The following CYP19A1 variants were observed in gnomAD, a reference collection of about 807,000 sequenced individuals.
CYP19A1 encodes the protein aromatase.
Under a neutral mutation model 44.4 loss-of-function variants are expected in CYP19A1, and 32 were observed. The ratio of observed to expected loss-of-function variants is 0.72; its 90% CI spans 0.54 to 0.97. The LOEUF (loss-of-function observed/expected upper bound fraction) is 0.97, where lower values mean the gene tolerates loss of function less well. Ranked by LOEUF, CYP19A1 falls within the 50% of genes least tolerant of loss-of-function variation. The pLI is 0.00. For missense variants in CYP19A1, 598 were observed against 637.8 expected (o/e 0.94, Z 0.67); for synonymous variants, 212 against 215.6 (o/e 0.98, Z 0.14).
intron 4 of CYP19A1, among the ~76,000 whole-genome samples, chr15:51,227,081 C>G (rs1310039290): frequency 3.9e-5 from 6 of 152,092 alleles, no homozygotes; most frequent in African/African-American, 1.5e-4. Flanking sequence ...ACTGAAATTA[C>G]TCTAAATATA....
In CYP19A1 at chr15:51,218,800, TAGG is replaced by T. The variant is rs1215989043; in HGVS notation, c.629-148_629-146del. 17 of 1,456,032 alleles carry T rather than the reference TAGG, an allele frequency of 1.2e-5. No homozygotes were observed. In the East Asian group the frequency reaches 3.5e-4, roughly 30 times the overall value. 90.2% of individuals were successfully genotyped at this position (1,456,032 alleles called of 1,614,324 possible). On this transcript the variant is annotated intron_variant, in intron 5 of 9. Transcript: ENST00000396402. ...AAGCTCAGCAAGATTCCATCTTCAGTAGGAGTTTTAGCCACGTGAATACCACTA... is the reference window on the plus strand; with the variant it reads ...AAGCTCAGCAAGATTCCATCTTCAGTAGTTTTAGCCACGTGAATACCACTA...
At chr15:51,307,255 G>A (rs141472965) in intron 1 of CYP19A1, among the ~76,000 whole-genome samples, 1 of 152,292 alleles carries the variant, frequency 6.6e-6, no homozygotes, top group African/African-American at 2.4e-5. Context: ...CAGTGGCAAT[G>A]GAAAGGAGAG....
At chr15:51,267,728 C>T (rs1203166918) in intron 1 of CYP19A1, among the ~76,000 whole-genome samples, 1 of 152,228 alleles carries the variant, frequency 6.6e-6, no homozygotes, top group African/African-American at 2.4e-5. Context: ...TTAAGAATTT[C>T]ATATGGTGAC....
At chr15:51,305,724 C>T (rs2036203651) in intron 1 of CYP19A1, among the ~76,000 whole-genome samples, 1 of 152,040 alleles carries the variant, frequency 6.6e-6, no homozygotes, top group Non-Finnish European at 1.5e-5. Flanking sequence ...CCACACTGGG[C>T]TAATTTTTGT....
chr15:51,279,226 C>T (rs2035431785), intron 1 of CYP19A1: 1 of 152,204 alleles, frequency 6.6e-6, no homozygotes, highest in African/African-American at 2.4e-5. Flanking sequence ...GATTTGTTCC[C>T]TTCCTAGCCT....
chr15:51,273,082 C>T (rs148351531), intron 1 of CYP19A1, among the ~76,000 whole-genome samples: 2,922 of 152,196 alleles, frequency 0.019, 54 homozygotes, highest in Non-Finnish European at 0.026. Context: ...GCCTCAGCCT[C>T]CTGAGTAGCT....
chr15:51,225,561 C>A (rs2032502864), intron 4 of CYP19A1, among the ~76,000 whole-genome samples: 2 of 152,154 alleles, frequency 1.3e-5, no homozygotes, highest in Admixed American at 6.5e-5. Context: ...GGACGCAAAC[C>A]CACAACCTGT....
Position 51,210,880 on chromosome 15 carries a change from G to A in CYP19A1, c.1440C>T (p.His480=), listed in dbSNP as rs1023854965. Reference sequence around the variant, plus strand: ...CCAGCATGTTTTTAGTCTCATCTGGGTGCAAGGACAAGTCGTGTATCTTCT... The same window carrying A: ...CCAGCATGTTTTTAGTCTCATCTGGATGCAAGGACAAGTCGTGTATCTTCT... ...SIQKIHDLSL[H]PDETKNMLEM... Residue 480 remains histidine (H), a synonymous_variant, in exon 10 of 10, where the codon CAC becomes CAT. Coordinates refer to ENST00000396402, the MANE Select transcript of CYP19A1 (RefSeq NM_000103.4). The A allele has an allele frequency of 2.5e-6, 4 of 1,588,100 alleles. No individual in the cohort carries two copies. Among genetic ancestry groups the A allele is most frequent in the East Asian group, 2.2e-5 (1 of 44,746 alleles).
intron 1 of CYP19A1, among the ~76,000 whole-genome samples, chr15:51,336,078 C>A (rs2036770649): frequency 6.6e-6 from 1 of 152,216 alleles, no homozygotes; most frequent in Admixed American, 6.5e-5. Context: ...CTCAGGGAAG[C>A]CTTCCCTGAA....
chr15:51,253,566 C>G (rs991419153), intron 1 of CYP19A1, among the ~76,000 whole-genome samples: 1 of 152,194 alleles, frequency 6.6e-6, no homozygotes, highest in African/African-American at 2.4e-5. Context: ...CCCACCCACA[C>G]TTCCTTTTAT....
At chr15:51,237,099 C>T (rs997054203) in intron 2 of CYP19A1, 90 bp from the exon 3 acceptor site, 1 of 1,407,426 alleles carries the variant, frequency 7.1e-7, no homozygotes, top group Admixed American at 1.9e-5. Flanking sequence ...TCTTTTATAG[C>T]TAAGTGTTCT....
chr15:51,314,962 T>C (rs766517109), intron 1 of CYP19A1, among the ~76,000 whole-genome samples: 1 of 152,106 alleles, frequency 6.6e-6, no homozygotes, highest in Admixed American at 6.5e-5. Flanking sequence ...CTGGGCTGTT[T>C]CCTGGTTCAA....
intron 1 of CYP19A1, among the ~76,000 whole-genome samples, chr15:51,304,286 A>T (rs1373176410): frequency 6.6e-6 from 1 of 152,084 alleles, no homozygotes; most frequent in Non-Finnish European, 1.5e-5. Context: ...GATACCCCTT[A>T]TCTTGGGGGT....
At chr15:51,267,999 A>G (rs949860827) in intron 1 of CYP19A1, among the ~76,000 whole-genome samples, 3 of 152,208 alleles carry the variant, frequency 2.0e-5, no homozygotes, top group African/African-American at 4.8e-5. Flanking sequence ...GCAAAGTACC[A>G]TATCACTTTC....
chr15:51,254,643 ACTCT>A (rs1442251894), intron 1 of CYP19A1, among the ~76,000 whole-genome samples: 1 of 151,572 alleles, frequency 6.6e-6, no homozygotes, highest in Non-Finnish European at 1.5e-5. Context: ...TCCTTGATTG[ACTCT>A]CTCAATCCAG....
intron 1 of CYP19A1, among the ~76,000 whole-genome samples, chr15:51,334,605 T>C (rs1327789827): frequency 6.6e-6 from 1 of 152,264 alleles, no homozygotes; most frequent in Non-Finnish European, 1.5e-5. Context: ...TCATTGTTTC[T>C]GAAAACAATC....
intron 1 of CYP19A1, among the ~76,000 whole-genome samples, chr15:51,332,899 A>T (rs550078854): frequency 1.9e-4 from 29 of 152,224 alleles, no homozygotes; most frequent in Admixed American, 3.9e-4. Flanking sequence ...TTTTCTTTTC[A>T]TCCTTAGACT....
At chr15:51,275,648 C>T (rs1172089961) in intron 1 of CYP19A1, among the ~76,000 whole-genome samples, 2 of 152,214 alleles carry the variant, frequency 1.3e-5, no homozygotes, top group Admixed American at 6.5e-5. Context: ...ATTGCCCAGT[C>T]CTCGTCAAGC....
At chr15:51,241,231 G>A (rs2141119031) in intron 2 of CYP19A1, among the ~76,000 whole-genome samples, 1 of 152,334 alleles carries the variant, frequency 6.6e-6, no homozygotes, top group South Asian at 2.1e-4. Context: ...CCTTGGTCAA[G>A]GGTCCAAGGA....
Sources: gnomAD v4.1 joint callset for allele counts (sites outside exome capture counted in the v4.1 genomes callset) on GRCh38, gnomAD v4.1.1 for gene constraint, MANE v1.5 for transcripts, NCBI Gene and HGNC (gene_info 2026-07-23, HGNC 2026-07-21) for gene names.